The following SLC1A2 variants were observed in gnomAD, a reference collection of about 807,000 sequenced individuals.
SLC1A2 encodes the protein excitatory amino acid transporter 2.
SLC1A2 carries 15 observed loss-of-function variants against 48.8 expected under a neutral mutation model. That is an observed-to-expected ratio of 0.31 (90% confidence interval 0.21 to 0.47). The LOEUF (loss-of-function observed/expected upper bound fraction) is 0.47, where lower values mean the gene tolerates loss of function less well. Among genes scored for constraint, SLC1A2 ranks in the 20% least tolerant of loss-of-function variants. SLC1A2 has a pLI of 0.99. For missense variants in SLC1A2, 502 were observed against 730.5 expected, an observed-to-expected ratio of 0.69 and a Z score of 3.61; for synonymous variants, 279 against 272.6, an observed-to-expected ratio of 1.02 and a Z score of -0.23.
chr11:35,337,951 C>A (rs1852692637), intron 1 of SLC1A2, among the ~76,000 whole-genome samples: 1 of 152,116 alleles, frequency 6.6e-6, no homozygotes, highest in South Asian at 2.1e-4. Flanking sequence ...TTGTTATTAT[C>A]CTTAGTATAG....
At chr11:35,323,084 C>G (rs376648931) in intron 1 of SLC1A2, 1 of 357,000 alleles carries the variant, frequency 2.8e-6, no homozygotes, top group Non-Finnish European at 5.1e-6. Context: ...GTCCCTTCTT[C>G]TATTCATTGT....
At chr11:35,322,595 C>A in intron 1 of SLC1A2, 1 of 1,535,006 alleles carries the variant, frequency 6.5e-7, no homozygotes, top group Non-Finnish European at 8.7e-7. Context: ...ACCTCTCCTC[C>A]CTGGCCCCAG....
chr11:35,344,501 G>T (rs775264053), intron 1 of SLC1A2, among the ~76,000 whole-genome samples: 2 of 152,152 alleles, frequency 1.3e-5, no homozygotes, highest in African/African-American at 4.8e-5. Flanking sequence ...TGCTTGATGG[G>T]ATTATGGAAC....
chr11:35,301,704 C>T (rs796949301), intron 5 of SLC1A2, 59 bp from the exon 6 acceptor site: 44 of 1,545,748 alleles, frequency 2.8e-5, no homozygotes, highest in Admixed American at 8.5e-5. Context: ...CTTTTTCTCC[C>T]TCATTCTTTA....
intron 6 of SLC1A2, among the ~76,000 whole-genome samples, chr11:35,294,522 G>A (rs1210822176): frequency 1.3e-5 from 2 of 152,148 alleles, no homozygotes; most frequent in African/African-American, 4.8e-5. Context: ...CTGTAAATAA[G>A]CAGAATGAAC....
chr11:35,302,976 C>T (rs1341244904), intron 5 of SLC1A2, among the ~76,000 whole-genome samples: 1 of 150,976 alleles, frequency 6.6e-6, no homozygotes, highest in African/African-American at 2.4e-5. Flanking sequence ...TGCTTCCCCA[C>T]CTGACTTGTT....
At chr11:35,316,369 CTG>C (rs1342211028) in intron 2 of SLC1A2, 2 of 152,326 alleles carry the variant, frequency 1.3e-5, no homozygotes, top group East Asian at 1.9e-4. Context: ...GGCTGAAAGC[CTG>C]ATTTTTTTTC....
chr11:35,388,569 A>AT (rs1323115343), intron 1 of SLC1A2, among the ~76,000 whole-genome samples: 1 of 151,938 alleles, frequency 6.6e-6, no homozygotes, highest in Non-Finnish European at 1.5e-5. Flanking sequence ...AAATTTTTGT[A>AT]TTTTTTATAG....
chr11:35,349,543 A>G (rs1439130831), intron 1 of SLC1A2, among the ~76,000 whole-genome samples: 1 of 152,280 alleles, frequency 6.6e-6, no homozygotes, highest in Non-Finnish European at 1.5e-5. Flanking sequence ...GTGAGAAAAT[A>G]AAGAGAGAGA....
At chr11:35,370,996 G>A in intron 1 of SLC1A2, 1 of 985,162 alleles carries the variant, frequency 1.0e-6, no homozygotes, top group African/African-American at 1.7e-5. Context: ...AGTCCCAAAG[G>A]GTGGCATCTT....
At chr11:35,311,316 C>T (rs1443217460) in intron 4 of SLC1A2, among the ~76,000 whole-genome samples, 1 of 152,176 alleles carries the variant, frequency 6.6e-6, no homozygotes, top group Non-Finnish European at 1.5e-5. Flanking sequence ...TGCGCCACCA[C>T]ACCCGGCTAA....
intron 3 of SLC1A2, among the ~76,000 whole-genome samples, chr11:35,313,462 A>G (rs1048155337): frequency 1.3e-5 from 2 of 152,158 alleles, no homozygotes; most frequent in African/African-American, 4.8e-5. Context: ...GTTTTTTTCC[A>G]GTTGTTTCTT....
At chr11:35,292,870 C>T (rs1429474932) in intron 6 of SLC1A2, among the ~76,000 whole-genome samples, 1 of 152,062 alleles carries the variant, frequency 6.6e-6, no homozygotes, top group Non-Finnish European at 1.5e-5. Flanking sequence ...ATTTGTGTTC[C>T]TCAGTTCCTT....
chr11:35,301,702 C>T, intron 5 of SLC1A2, 57 bp from the exon 6 acceptor site: 1 of 1,553,256 alleles, frequency 6.4e-7, no homozygotes, highest in Non-Finnish European at 8.8e-7. Context: ...TACTTTTTCT[C>T]CCTCATTCTT....
At chr11:35,395,543 G>A (rs2135254377) in intron 1 of SLC1A2, among the ~76,000 whole-genome samples, 1 of 152,178 alleles carries the variant, frequency 6.6e-6, no homozygotes, top group East Asian at 1.9e-4. Context: ...AGGTAAAGCA[G>A]GCAGCAGGCA....
chr11:35,369,849 A>C (rs1853998032), intron 1 of SLC1A2, among the ~76,000 whole-genome samples: 1 of 152,210 alleles, frequency 6.6e-6, no homozygotes, highest in Non-Finnish European at 1.5e-5. Flanking sequence ...TATATAACTA[A>C]TGCTAACAAA....
chr11:35,352,374 A>G (rs895490145), intron 1 of SLC1A2: 1 of 152,204 alleles, frequency 6.6e-6, no homozygotes, highest in African/African-American at 2.4e-5. Context: ...AGTCCAAGCC[A>G]CAGCTTTCTG....
Position 35,260,587 on chromosome 11 carries a change from G to T in SLC1A2, c.*307C>A. On this transcript the variant is annotated 3_prime_UTR_variant, in exon 11 of 11. Coordinates refer to ENST00000278379, the MANE Select transcript of SLC1A2 (RefSeq NM_004171.4). ...CTGGGAAAAGAGCATCCACATTTCT[G>T]CATCTTGGGAGAAAAGGGAAGCTGG... The T allele has an allele frequency of 2.9e-6, 1 of 348,402 alleles. No homozygotes were observed. The highest frequency in any genetic ancestry group is 6.5e-5 in the East Asian group (1 of 15,368). The allele number at this position is 348,402 out of a possible 1,614,324, so 21.6% of individuals were successfully genotyped here. A position where few individuals can be genotyped will look rare whatever the true frequency, so the allele number is the denominator to read the frequency against.
intron 1 of SLC1A2, among the ~76,000 whole-genome samples, chr11:35,387,267 A>G (rs544198582): frequency 1.3e-5 from 2 of 152,258 alleles, no homozygotes; most frequent in Admixed American, 1.3e-4. Context: ...CCAGTTCAAG[A>G]TGCTGCTTCT....
Sources: allele counts gnomAD v4.1 joint callset (sites outside exome capture counted in the v4.1 genomes callset), GRCh38; gene constraint gnomAD v4.1.1; transcripts MANE v1.5; gene names NCBI Gene and HGNC (gene_info 2026-07-23, HGNC 2026-07-21).